Variants in SEMA6A observed in about 807,000 individuals in gnomAD.
SEMA6A encodes semaphorin-6A.
Under a neutral mutation model 96.8 loss-of-function variants are expected in SEMA6A, and 25 were observed. That is an observed-to-expected ratio of 0.26 (90% CI 0.19 to 0.36). The LOEUF (loss-of-function observed/expected upper bound fraction) is 0.36. Ranked by LOEUF, SEMA6A falls within the 10% of genes least tolerant of loss-of-function variation. SEMA6A has a pLI of 1.00. For synonymous variants in SEMA6A, 612 were observed against 518.0 expected (o/e 1.18, Z -2.46); for missense variants, 1,363 against 1,323.1 (o/e 1.03, Z -0.47).
intron 18 of SEMA6A, among the ~76,000 whole-genome samples, chr5:116,459,249 C>T (rs1170765026): frequency 1.3e-5 from 2 of 152,164 alleles, no homozygotes; most frequent in African/African-American, 4.8e-5. Context: ...GTAACAGACA[C>T]TTTAGATCCA....
At chr5:116,493,645 A>G (rs1757437167) in intron 6 of SEMA6A, among the ~76,000 whole-genome samples, 1 of 152,126 alleles carries the variant, frequency 6.6e-6, no homozygotes, top group African/African-American at 2.4e-5. Flanking sequence ...AAGATGGAAG[A>G]TAAGTATGAG....
At chr5:116,478,909 G>A (rs1317614256) in intron 12 of SEMA6A, among the ~76,000 whole-genome samples, 191 bp from the exon 13 acceptor site, 2 of 146,422 alleles carry the variant, frequency 1.4e-5, no homozygotes, top group African/African-American at 5.1e-5. Flanking sequence ...GCTCCAAAGG[G>A]GAGGAAGGAG....
At chr5:116,520,770 A>C (rs530543410) in intron 1 of SEMA6A, among the ~76,000 whole-genome samples, 4 of 152,312 alleles carry the variant, frequency 2.6e-5, no homozygotes, top group Non-Finnish European at 5.9e-5. Flanking sequence ...TAGACGCAGG[A>C]TGCAGGGCTA....
chr5:116,528,040 C>A (rs1759305626), intron 1 of SEMA6A, among the ~76,000 whole-genome samples: 1 of 152,176 alleles, frequency 6.6e-6, no homozygotes, highest in Admixed American at 6.5e-5. Flanking sequence ...TCCTGTAGGT[C>A]ATATCATTTA....
At chr5:116,474,043 A>T (rs1189054729) in intron 16 of SEMA6A, among the ~76,000 whole-genome samples, 1 of 152,150 alleles carries the variant, frequency 6.6e-6, no homozygotes, top group Non-Finnish European at 1.5e-5. Context: ...CTACATACAG[A>T]GGCTTCCTTA....
In SEMA6A at chr5:116,495,435, T is replaced by C. The variant is rs988361182; in HGVS notation, c.422A>G (p.Asn141Ser). The C allele has an allele frequency of 3.7e-6, 6 of 1,610,226 alleles. No individual in the cohort carries two copies. The African/African-American group carries it at 5.3e-5, about 14-fold the overall frequency. ...TACCTTATAGTTTCTGCAGGAAGGG[T>C]TGAAGGCATTAGTTCCACAGACAAA... is the stretch of plus-strand genomic sequence containing the variant. ...ALFVCGTNAF[N>S]PSCRNYKMDT... Residue 141 changes from asparagine (N) to serine (S), a missense_variant, in exon 6 of 19, where the codon AAC (asparagine) becomes AGC (serine). By Grantham distance (46) the Asn-to-Ser change is conservative (BLOSUM62 1). Around this residue, in one of 2 missense-constraint regions of SEMA6A, gnomAD observed 480 missense variants for 559.5 expected, o/e 0.86. Coordinates refer to ENST00000343348, the MANE Select transcript of SEMA6A (RefSeq NM_020796.5).
chr5:116,492,509 G>T (rs1230687412), intron 6 of SEMA6A: 1 of 152,078 alleles, frequency 6.6e-6, no homozygotes, highest in African/African-American at 2.4e-5. Context: ...CAGCTATCAG[G>T]TACAGATAAT....
At chr5:116,532,279 A>C (rs1759518488) in intron 1 of SEMA6A, among the ~76,000 whole-genome samples, 1 of 152,172 alleles carries the variant, frequency 6.6e-6, no homozygotes, top group Non-Finnish European at 1.5e-5. Context: ...TTAATCCTAA[A>C]GTAGAAAGAA....
intron 10 of SEMA6A, among the ~76,000 whole-genome samples, chr5:116,485,027 G>A (rs1052491306): frequency 6.6e-6 from 1 of 152,156 alleles, no homozygotes; most frequent in Non-Finnish European, 1.5e-5. Context: ...CATGTGTAAA[G>A]CATGAAGTAG....
intron 1 of SEMA6A, among the ~76,000 whole-genome samples, chr5:116,545,677 A>C (rs1580500423): frequency 6.6e-6 from 1 of 152,218 alleles, no homozygotes; most frequent in Non-Finnish European, 1.5e-5. Flanking sequence ...TGAGAAAATT[A>C]ATGTTCAAGT....
chr5:116,529,983 G>A (rs1288467664), intron 1 of SEMA6A, among the ~76,000 whole-genome samples: 1 of 151,874 alleles, frequency 6.6e-6, no homozygotes, highest in East Asian at 1.9e-4. Flanking sequence ...TATACCCTCG[G>A]AACCTAAAAT....
At chr5:116,541,875 C>T (rs1363273645) in intron 1 of SEMA6A, among the ~76,000 whole-genome samples, 4 of 152,032 alleles carry the variant, frequency 2.6e-5, no homozygotes, top group Admixed American at 2.0e-4. Flanking sequence ...AGCGTGAACT[C>T]GGTAACATTT....
chr5:116,562,510 C>A (rs1580520365), intron 1 of SEMA6A: 9 of 483,528 alleles, frequency 1.9e-5, no homozygotes, highest in Middle Eastern at 3.9e-4. Context: ...TACTTTTAAT[C>A]AAAAATAAGG....
intron 17 of SEMA6A, among the ~76,000 whole-genome samples, chr5:116,469,719 A>G (rs1320189562): frequency 6.6e-6 from 1 of 152,214 alleles, no homozygotes; most frequent in East Asian, 1.9e-4. Context: ...AACATTTCTT[A>G]ATACGGTAAT....
chr5:116,560,969 T>C (rs1252508062), intron 1 of SEMA6A, among the ~76,000 whole-genome samples: 1 of 152,298 alleles, frequency 6.6e-6, no homozygotes, highest in Admixed American at 6.5e-5. Context: ...AGAACTATGA[T>C]TGGACAATTT....
intron 1 of SEMA6A, among the ~76,000 whole-genome samples, chr5:116,558,455 T>TAAGCGTTA (rs1465023591): frequency 6.0e-3 from 57 of 9,542 alleles, no homozygotes; most frequent in Middle Eastern, 0.056. Context: ...ATTCTTTTTT[T>TAAGCGTTA]TTTTTTTTTT....
intron 18 of SEMA6A, among the ~76,000 whole-genome samples, chr5:116,458,597 T>A (rs531475394): frequency 6.6e-6 from 1 of 152,284 alleles, no homozygotes; most frequent in East Asian, 1.9e-4. Context: ...AAGTCCTTCA[T>A]TTTTTGAGAA....
chr5:116,484,325 T>C (rs1756935712), intron 10 of SEMA6A, among the ~76,000 whole-genome samples: 2 of 152,186 alleles, frequency 1.3e-5, no homozygotes, highest in African/African-American at 2.4e-5. Flanking sequence ...TGTGAAATCC[T>C]TTCTTCCTCC....
intron 2 of SEMA6A, among the ~76,000 whole-genome samples, chr5:116,503,063 C>T (rs138805610): frequency 1.3e-5 from 2 of 152,170 alleles, no homozygotes; most frequent in Non-Finnish European, 2.9e-5. Context: ...CTGAGAGTGG[C>T]CAATCTGTAT....
Sources: gnomAD v4.1 joint callset for allele counts (sites outside exome capture counted in the v4.1 genomes callset) on GRCh38, gnomAD v4.1.1 for gene constraint, gnomAD v4.1.1 regional missense constraint, MANE v1.5 for transcripts, NCBI Gene and HGNC (gene_info 2026-07-23, HGNC 2026-07-21) for gene names.